NEO1: variants seen among roughly 807,000 people sequenced by gnomAD.
NEO1 encodes the protein neogenin 1.
NEO1 carries 63 observed loss-of-function variants against 159.7 expected under a neutral mutation model. That is an observed-to-expected ratio of 0.39 (90% CI 0.32 to 0.49). NEO1 has a LOEUF of 0.49. Ranked by LOEUF, NEO1 falls within the 20% of genes least tolerant of loss-of-function variation. The pLI, the probability that NEO1 is intolerant of heterozygous loss-of-function variation, is 0.85. For missense variants in NEO1, 1,615 were observed against 1,831.0 expected, an observed-to-expected ratio of 0.88 and a Z score of 2.15; for synonymous variants, 633 against 662.0, an observed-to-expected ratio of 0.96 and a Z score of 0.67.
At chr15:73,188,561 C>T (rs908550905) in intron 7 of NEO1, among the ~76,000 whole-genome samples, 6 of 152,070 alleles carry the variant, frequency 3.9e-5, no homozygotes, top group Non-Finnish European at 7.4e-5. Context: ...TGTTCTTTAT[C>T]CCTGTCTGTT....
At position 73,254,769 on chromosome 15, in the gene NEO1, C is replaced by G; in HGVS notation, c.2032C>G (p.Arg678Gly). ...GYKIRYRKASRKSDVTETLVS... is the reference protein window; with the variant it reads ...GYKIRYRKASGKSDVTETLVS... The stretch of plus-strand genomic sequence containing the variant: ...CAAGATTCGCTACCGAAAGGCCTCC[C>G]GAAAGAGTGATGTCACTGAGACCTT... Residue 678 changes from arginine to glycine, a missense_variant, in exon 13 of 29, where the codon CGA becomes GGA. Physicochemically the swap from Arg to Gly is moderately radical, Grantham distance 125. Transcript: ENST00000261908. 1.9e-6 allele frequency: 3 copies of G among 1,614,050 alleles called. No individual in the cohort carries two copies. Among genetic ancestry groups the G allele is most frequent in the Middle Eastern group, 1.7e-4 (1 of 6,060 alleles).
chr15:73,126,457 T>A lies in NEO1; in HGVS notation c.765T>A (p.Pro255=). 1 of 1,611,650 alleles carries A rather than the reference T, an allele frequency of 6.2e-7. No homozygotes were observed. Among genetic ancestry groups the A allele is most frequent in the Non-Finnish European group, 8.5e-7 (1 of 1,179,112 alleles). ...VISDLVFLKQ[P]SPLVRVIGQD... ...CAGACTTGGTATTTTTGAAACAGCCTTCTCCCTTAGTCAGAGTCATTGGTC... is the reference window on the plus strand; with the variant it reads ...CAGACTTGGTATTTTTGAAACAGCCATCTCCCTTAGTCAGAGTCATTGGTC... Residue 255 remains proline (P), a synonymous_variant, in exon 4 of 29, where the codon CCT becomes CCA. Coordinates refer to ENST00000261908, the MANE Select transcript of NEO1 (RefSeq NM_002499.4).
intron 1 of NEO1, among the ~76,000 whole-genome samples, chr15:73,103,021 G>A (rs554081130): frequency 9.9e-5 from 15 of 151,902 alleles, no homozygotes; most frequent in Admixed American, 3.3e-4. Context: ...CCTTACTTTC[G>A]CATTTATTCA....
intron 26 of NEO1, among the ~76,000 whole-genome samples, chr15:73,294,911 T>C (rs2042297423): frequency 6.6e-6 from 1 of 151,990 alleles, no homozygotes; most frequent in African/African-American, 2.4e-5. Flanking sequence ...AAGGGGTGCC[T>C]AATAATTTCC....
At position 73,167,926 on chromosome 15, in the gene NEO1, A is replaced by C. The variant is rs571457094; in HGVS notation, c.1016-8477A>C. On this transcript the variant is annotated intron_variant, in intron 5 of 28. Coordinates refer to ENST00000261908, the MANE Select transcript of NEO1 (RefSeq NM_002499.4). The stretch of plus-strand genomic sequence containing the variant: ...AATTTCATGTTCATGAAAATTTTAC[A>C]TCATCATAAACATTTAAAAGCAAAA... Among the ~76,000 whole-genome samples the C allele has an allele frequency of 2.0e-5, 3 of 152,280 alleles. No individual in the cohort carries two copies. In the South Asian group the frequency reaches 6.2e-4, roughly 32 times the overall value.
intron 21 of NEO1, among the ~76,000 whole-genome samples, chr15:73,276,809 T>A (rs930297131): frequency 1.3e-5 from 2 of 152,242 alleles, no homozygotes; most frequent in Admixed American, 1.3e-4. Flanking sequence ...AAACACCTAG[T>A]TTATACATTT....
rs559857305 is a variant in NEO1 at position 73,232,929 on chromosome 15, G to T, written c.1292-3418G>T. ...GAGGGGGATGCCTCAGACACTGTTTGTGTGTGAAGTCTGGTAATTTTCATG... is the reference window on the plus strand; with the variant it reads ...GAGGGGGATGCCTCAGACACTGTTTTTGTGTGAAGTCTGGTAATTTTCATG... On this transcript the variant is annotated intron_variant, in intron 7 of 28. Coordinates refer to ENST00000261908, the MANE Select transcript of NEO1 (RefSeq NM_002499.4). 5.6e-4 allele frequency among the ~76,000 whole-genome samples: 86 copies of T among 152,322 alleles called. 1 individual carries two copies. Among genetic ancestry groups the T allele is most frequent in the Non-Finnish European group, 1.1e-3 (74 of 68,036 alleles).
intron 7 of NEO1, among the ~76,000 whole-genome samples, chr15:73,199,377 T>A (rs1453214937): frequency 5.3e-5 from 8 of 152,108 alleles, no homozygotes; most frequent in Admixed American, 2.0e-4. Context: ...TACTTTTTTT[T>A]ATCCTTTCCA....
chr15:73,236,474 C>G lies in NEO1; in HGVS notation c.1419C>G (p.Tyr473Ter). 6.2e-7 allele frequency: 1 copy of G among 1,614,150 alleles called. No homozygotes were observed. The change falls in exon 8 of 29, where the codon TAC becomes TAG. Residue 473 changes from tyrosine to a stop codon, truncating the protein, a stop_gained. Coordinates refer to ENST00000261908, the MANE Select transcript of NEO1 (RefSeq NM_002499.4). LOFTEE classifies it high-confidence loss of function. Reference sequence around the variant, plus strand: ...ATCCTCACGGAGACAACCTTACCTACTCTGTGTTCTACACCAAGGAAGGGA... The same window carrying G: ...ATCCTCACGGAGACAACCTTACCTAGTCTGTGTTCTACACCAAGGAAGGGA... Reference protein sequence around the residue: ...ASDPHGDNLTYSVFYTKEGIA... With the variant: ...ASDPHGDNLT
At chr15:73,064,974 A>G (rs183261504) in intron 1 of NEO1, among the ~76,000 whole-genome samples, 1 of 151,872 alleles carries the variant, frequency 6.6e-6, no homozygotes, top group Non-Finnish European at 1.5e-5. Flanking sequence ...TCCTTGGATT[A>G]TTTTAAGTTA....
At chr15:73,091,324 T>C (rs1458259623) in intron 1 of NEO1, among the ~76,000 whole-genome samples, 1 of 152,246 alleles carries the variant, frequency 6.6e-6, no homozygotes. Context: ...TTATCTTGCC[T>C]TATGTATTAC....
intron 2 of NEO1, among the ~76,000 whole-genome samples, chr15:73,119,251 G>A (rs2071493593): frequency 6.6e-6 from 1 of 152,138 alleles, no homozygotes; most frequent in South Asian, 2.1e-4. Context: ...ACTTTAGATA[G>A]TGAACTTTAT....
At chr15:73,149,839 CAT>C (rs1488498463) in intron 5 of NEO1, among the ~76,000 whole-genome samples, 1 of 152,150 alleles carries the variant, frequency 6.6e-6, no homozygotes, top group Non-Finnish European at 1.5e-5. Context: ...TCATCTCAAA[CAT>C]TGATCATTTC....
intron 16 of NEO1, among the ~76,000 whole-genome samples, chr15:73,268,184 T>C (rs973150366): frequency 6.6e-6 from 1 of 152,302 alleles, no homozygotes; most frequent in African/African-American, 2.4e-5. Context: ...TATAATTTCT[T>C]TTAGAAATAG....
At chr15:73,266,255 C>A in intron 15 of NEO1, 61 bp from the exon 16 acceptor site, 1 of 1,317,318 alleles carries the variant, frequency 7.6e-7, no homozygotes, top group East Asian at 2.4e-5. Flanking sequence ...TGCACAGCCA[C>A]CCTTGAATTT....
intron 1 of NEO1, 76 bp from the exon 2 acceptor site, chr15:73,116,464 T>A (rs778444755): frequency 8.8e-5 from 113 of 1,282,206 alleles, no homozygotes; most frequent in Non-Finnish European, 1.2e-4. Flanking sequence ...ATTTTTGGAC[T>A]TGTTAGTAAT....
intron 7 of NEO1, among the ~76,000 whole-genome samples, chr15:73,216,757 T>A (rs1275757641): frequency 6.6e-6 from 1 of 152,208 alleles, no homozygotes; most frequent in Non-Finnish European, 1.5e-5. Context: ...GTTCATGTCC[T>A]TCGCCCACTT....
At chr15:73,195,301 C>T (rs1348027570) in intron 7 of NEO1, among the ~76,000 whole-genome samples, 1 of 152,106 alleles carries the variant, frequency 6.6e-6, no homozygotes, top group Non-Finnish European at 1.5e-5. Flanking sequence ...TTAAAAGATG[C>T]TAAATTATAC....
intron 2 of NEO1, among the ~76,000 whole-genome samples, chr15:73,122,063 G>GTATATATATATATATATATATATATATA (rs200219694): frequency 7.9e-6 from 1 of 126,368 alleles, no homozygotes; most frequent in Non-Finnish European, 1.6e-5. Context: ...GTGTGTGTGT[G>GTATATATATATATATATATATATATATA]TATATATATA....
Sources: gnomAD v4.1 joint callset for allele counts (sites outside exome capture counted in the v4.1 genomes callset) on GRCh38, gnomAD v4.1.1 for gene constraint, MANE v1.5 for transcripts, NCBI Gene and HGNC (gene_info 2026-07-23, HGNC 2026-07-21) for gene names.